RFTN2: variants seen among roughly 807,000 people sequenced by gnomAD.
RFTN2 encodes raftlin family member 2.
RFTN2 carries 34 observed loss-of-function variants against 52.7 expected under a neutral mutation model. The observed-to-expected ratio is 0.64, with a 90% CI of 0.49 to 0.86. The LOEUF (loss-of-function observed/expected upper bound fraction) is 0.86. Among genes scored for constraint, RFTN2 ranks in the 40% least tolerant of loss-of-function variants. The pLI is 0.00. For synonymous variants in RFTN2, 203 were observed against 217.7 expected (o/e 0.93, Z 0.59); for missense variants, 536 against 600.1 (o/e 0.89, Z 1.12).
intron 3 of RFTN2, among the ~76,000 whole-genome samples, chr2:197,642,509 G>A (rs1033675851): frequency 6.6e-5 from 10 of 152,116 alleles, no homozygotes; most frequent in Admixed American, 6.5e-4. Flanking sequence ...TAGTTGTCAT[G>A]TTTAATGCCT....
At chr2:197,640,807 G>A (rs1233104510) in intron 3 of RFTN2, among the ~76,000 whole-genome samples, 2 of 152,134 alleles carry the variant, frequency 1.3e-5, no homozygotes, top group South Asian at 2.1e-4. Flanking sequence ...TTGACATATC[G>A]GTAAGAGTTA....
chr2:197,568,640 C>T lies in RFTN2; in HGVS notation c.*3368G>A, dbSNP rs1329267172. The stretch of plus-strand genomic sequence containing the variant: ...ATACTATCCCCATTGTTAGCAATTT[C>T]ACTTCATTTGATTCTCCATCTGAAT... On this transcript the variant is annotated 3_prime_UTR_variant, in exon 9 of 9. Transcript: ENST00000295049. The T allele has an allele frequency of 6.6e-6, 1 of 152,134 alleles. No homozygotes were observed. Among genetic ancestry groups the T allele is most frequent in the Non-Finnish European group, 1.5e-5 (1 of 68,024 alleles). The allele number at this position is 152,134 out of a possible 1,614,324, so 9.4% of individuals were successfully genotyped here. A position where few individuals can be genotyped will look rare whatever the true frequency, so the allele number is the denominator to read the frequency against.
At position 197,633,909 on chromosome 2, in the gene RFTN2, T is replaced by C. The variant is rs769113831; in HGVS notation, c.527A>G (p.His176Arg). Residue 176 changes from histidine (H) to arginine (R), a missense_variant, in exon 4 of 9, where the codon CAT becomes CGT. By Grantham distance (29) the His-to-Arg change is conservative. Coordinates refer to ENST00000295049, the MANE Select transcript of RFTN2 (RefSeq NM_144629.3). Reference protein sequence around the residue: ...SPSKFCNGTNHDGDIESMLHV... With the variant: ...SPSKFCNGTNRDGDIESMLHV... ...TAGCATCGATTCTATATCTCCATCA[T>C]GGTTGGTTCCATTGCAGAATTTAGA... 1.2e-5 allele frequency: 19 copies of C among 1,613,638 alleles called. No homozygotes were observed. In the East Asian group the frequency reaches 3.1e-4, roughly 26 times the overall value.
intron 8 of RFTN2, among the ~76,000 whole-genome samples, chr2:197,583,624 CTT>C (rs748512572): frequency 6.4e-5 from 9 of 139,648 alleles, no homozygotes; most frequent in African/African-American, 1.1e-4. Flanking sequence ...GACAGTACTT[CTT>C]TTTTTTTTTT....
In RFTN2 at chr2:197,646,470, A is replaced by G. The variant is rs1438736988; in HGVS notation, c.323+13T>C. 6.2e-7 allele frequency: 1 copy of G among 1,604,502 alleles called. No homozygotes were observed. Among genetic ancestry groups the G allele is most frequent in the Non-Finnish European group, 8.5e-7 (1 of 1,175,354 alleles). Reference sequence around the variant, plus strand: ...TCACCCTCACCTGCCTCTTTCTTGAATAGTGTGCTTACCTTAATTTCAAGC... The same window carrying G: ...TCACCCTCACCTGCCTCTTTCTTGAGTAGTGTGCTTACCTTAATTTCAAGC... On this transcript the variant is annotated intron_variant, in intron 2 of 8. Coordinates refer to ENST00000295049, the MANE Select transcript of RFTN2 (RefSeq NM_144629.3).
At chr2:197,614,126 C>T (rs989017038) in intron 7 of RFTN2, among the ~76,000 whole-genome samples, 3 of 152,160 alleles carry the variant, frequency 2.0e-5, no homozygotes, top group African/African-American at 7.2e-5. Context: ...TCTGCCCTGA[C>T]CAGAATGTAA....
Position 197,675,304 on chromosome 2 carries a change from T to C in RFTN2, c.139+16A>G, listed in dbSNP as rs1233906604. On this transcript the variant is annotated intron_variant, in intron 1 of 8. Transcript: ENST00000295049. ...TCTCTGAAACATTTAACAAACAAAATAGAAGCAAAAAGTACCTTGTAGAGT... is the reference window on the plus strand; with the variant it reads ...TCTCTGAAACATTTAACAAACAAAACAGAAGCAAAAAGTACCTTGTAGAGT... 6.4e-7 allele frequency: 1 copy of C among 1,567,534 alleles called. No individual in the cohort carries two copies. The highest frequency in any genetic ancestry group is 1.2e-5 in the South Asian group (1 of 82,940).
At chr2:197,599,951 C>T (rs138467399) in intron 7 of RFTN2, among the ~76,000 whole-genome samples, 6 of 152,218 alleles carry the variant, frequency 3.9e-5, no homozygotes, top group African/African-American at 9.6e-5. Context: ...CTCTGCCTTT[C>T]GGGTTCAAGG....
Position 197,633,740 on chromosome 2 carries a change from G to A in RFTN2, c.696C>T (p.Ser232=). ...YQMEQNGSPT[S]SKSRKGEASD... ...TACCTTCTCCCTTTCTTGATTTAGAGGAAGTAGGGCTGCCATTTTGTTCCA... is the reference window on the plus strand; with the variant it reads ...TACCTTCTCCCTTTCTTGATTTAGAAGAAGTAGGGCTGCCATTTTGTTCCA... Residue 232 remains serine (S), a synonymous_variant, in exon 4 of 9, where the codon TCC becomes TCT. Coordinates refer to ENST00000295049, the MANE Select transcript of RFTN2 (RefSeq NM_144629.3). 6.2e-7 allele frequency: 1 copy of A among 1,613,254 alleles called. No individual in the cohort carries two copies. The highest frequency in any genetic ancestry group is 1.3e-5 in the African/African-American group (1 of 75,004).
chr2:197,660,319 T>C (rs2088959943), intron 1 of RFTN2, among the ~76,000 whole-genome samples: 1 of 152,216 alleles, frequency 6.6e-6, no homozygotes, highest in Admixed American at 6.5e-5. Context: ...TCAAAATGTT[T>C]TCAATAACTT....
chr2:197,589,346 G>A (rs1221226794), intron 8 of RFTN2, among the ~76,000 whole-genome samples: 9 of 151,100 alleles, frequency 6.0e-5, no homozygotes, highest in Non-Finnish European at 1.0e-4. Flanking sequence ...TGATTGTGAG[G>A]CCTCCTCAGC....
At chr2:197,651,251 A>T (rs2088822680) in intron 1 of RFTN2, among the ~76,000 whole-genome samples, 1 of 152,176 alleles carries the variant, frequency 6.6e-6, no homozygotes, top group African/African-American at 2.4e-5. Flanking sequence ...TGATGCACCA[A>T]AGCTTTTAAG....
chr2:197,616,964 T>G (rs1371720522), intron 6 of RFTN2, among the ~76,000 whole-genome samples: 3 of 152,206 alleles, frequency 2.0e-5, no homozygotes, highest in Non-Finnish European at 4.4e-5. Context: ...GAATTCAGTG[T>G]GTACACCTCA....
chr2:197,608,314 T>C (rs1246003738), intron 7 of RFTN2, among the ~76,000 whole-genome samples: 2 of 150,910 alleles, frequency 1.3e-5, no homozygotes, highest in East Asian at 3.9e-4. Flanking sequence ...GACCAGATTT[T>C]TTTTTTTTTT....
At chr2:197,667,174 C>T (rs542876314) in intron 1 of RFTN2, among the ~76,000 whole-genome samples, 3 of 152,036 alleles carry the variant, frequency 2.0e-5, no homozygotes, top group South Asian at 2.1e-4. Context: ...CCAGCAGAGA[C>T]GAGGTTTCAC....
Position 197,616,026 on chromosome 2 carries a change from C to G in RFTN2, c.1051-47G>C, listed in dbSNP as rs1365897313. 5.4e-6 allele frequency: 6 copies of G among 1,113,642 alleles called. No homozygotes were observed. The East Asian group carries it at 1.5e-4, about 29-fold the overall frequency. The allele number at this position is 1,113,642 out of a possible 1,614,324, so 69.0% of individuals were successfully genotyped here. A position where few individuals can be genotyped will look rare whatever the true frequency, so the allele number is the denominator to read the frequency against. On this transcript the variant is annotated intron_variant, in intron 6 of 8. Coordinates refer to ENST00000295049, the MANE Select transcript of RFTN2 (RefSeq NM_144629.3). The stretch of plus-strand genomic sequence containing the variant: ...CTCATAGTCTAATGGCAAAGACAAC[C>G]AACTACACAATTACAACAAAGGGTG...
chr2:197,630,585 T>C (rs1168904373), intron 5 of RFTN2, among the ~76,000 whole-genome samples: 12 of 152,216 alleles, frequency 7.9e-5, no homozygotes. Flanking sequence ...GATTTTTCTG[T>C]ACAAATTATA....
chr2:197,634,097 GA>G (rs2088516173), intron 3 of RFTN2, 100 bp from the exon 4 acceptor site: 1 of 1,004,726 alleles, frequency 1.0e-6, no homozygotes, highest in South Asian at 1.7e-5. Flanking sequence ...TCCACTAGAA[GA>G]TGGAGTAACT....
intron 8 of RFTN2, among the ~76,000 whole-genome samples, chr2:197,585,158 G>A (rs1037853777): frequency 6.6e-6 from 1 of 152,114 alleles, no homozygotes; most frequent in Non-Finnish European, 1.5e-5. Context: ...CATTTCTGAA[G>A]AACAGTAATA....
Sources: allele counts gnomAD v4.1 joint callset (sites outside exome capture counted in the v4.1 genomes callset), GRCh38; gene constraint gnomAD v4.1.1; transcripts MANE v1.5; gene names NCBI Gene and HGNC (gene_info 2026-07-23, HGNC 2026-07-21).